Variants in RTL4 observed in about 807,000 individuals in gnomAD.
The protein encoded by RTL4 is retrotransposon Gag like 4, also known as retrotransposon Gag-like protein 4.
RTL4 carries 4 observed loss-of-function variants against 5.3 expected under a neutral mutation model. The observed-to-expected ratio is 0.75, with a 90% CI of 0.37 to 1.72. RTL4 has a LOEUF of 1.72. Among genes scored for constraint, RTL4 ranks in the 40% most tolerant of loss-of-function variants. The pLI is 0.04. For missense variants in RTL4, 260 were observed against 227.1 expected (o/e 1.14, Z -0.93); for synonymous variants, 98 against 87.3 (o/e 1.12, Z -0.68).
chrX:112,264,234 G>A, the RTL4 span, among the ~76,000 whole-genome samples: 1 of 112,233 alleles, frequency 8.9e-6, no homozygotes, highest in Non-Finnish European at 1.9e-5. Context: ...TTGGAAATTA[G>A]GCTAGTGTGT....
the RTL4 span, among the ~76,000 whole-genome samples, chrX:112,384,426 G>T: frequency 9.0e-6 from 1 of 111,660 alleles, no homozygotes; most frequent in Non-Finnish European, 1.9e-5. Context: ...TTCTGCATAT[G>T]GCTAGCTAGT....
At chrX:112,423,392 T>C in the RTL4 span, among the ~76,000 whole-genome samples, 1 of 109,446 alleles carries the variant, frequency 9.1e-6, no homozygotes, top group Non-Finnish European at 1.9e-5. Context: ...CCCGCCCAAG[T>C]GCCCTGGTTA....
At chrX:112,143,305 A>G in the RTL4 span, among the ~76,000 whole-genome samples, 1 of 108,026 alleles carries the variant, frequency 9.3e-6, no homozygotes, top group Admixed American at 9.6e-5. Context: ...TCTCAGATGA[A>G]CTTAGGCATT....
the RTL4 span, among the ~76,000 whole-genome samples, chrX:112,158,097 T>C: frequency 9.1e-6 from 1 of 110,030 alleles, no homozygotes; most frequent in Non-Finnish European, 1.9e-5. Flanking sequence ...CCTAGGTGGC[T>C]GTGTAGAAAG....
chrX:112,177,366 A>T, the RTL4 span, among the ~76,000 whole-genome samples: 2 of 111,098 alleles, frequency 1.8e-5, no homozygotes, highest in Non-Finnish European at 3.8e-5. Flanking sequence ...GATAATAGCC[A>T]TTCAGACTGG....
the RTL4 span, among the ~76,000 whole-genome samples, chrX:112,434,130 T>G: frequency 9.5e-6 from 1 of 104,904 alleles, no homozygotes; most frequent in African/African-American, 3.5e-5. Context: ...CTGGATTCAG[T>G]TTGCCAGTAT....
the RTL4 span, among the ~76,000 whole-genome samples, chrX:112,094,998 G>C: frequency 1.5e-3 from 168 of 111,289 alleles, 1 homozygote; most frequent in African/African-American, 5.2e-3. Flanking sequence ...TTGTTTTTAA[G>C]ATGAGAAAAC....
At chrX:112,385,196 A>G in the RTL4 span, among the ~76,000 whole-genome samples, 11 of 111,325 alleles carry the variant, frequency 9.9e-5, no homozygotes, top group Admixed American at 9.6e-4. Flanking sequence ...CAAATATTTT[A>G]AATTTTGATG....
chrX:112,382,992 T>C, the RTL4 span, among the ~76,000 whole-genome samples: 15 of 111,986 alleles, frequency 1.3e-4, no homozygotes, highest in East Asian at 3.9e-3. Context: ...AAAGTTGAAA[T>C]ATTTGGACAA....
chrX:112,112,988 G>A, the RTL4 span, among the ~76,000 whole-genome samples: 34 of 111,731 alleles, frequency 3.0e-4, no homozygotes, highest in South Asian at 1.1e-3. Flanking sequence ...CCTCATTGAT[G>A]AGTCTAAGAT....
chrX:112,388,192 C>A, the RTL4 span, among the ~76,000 whole-genome samples: 2 of 111,868 alleles, frequency 1.8e-5, no homozygotes, highest in African/African-American at 6.5e-5. Flanking sequence ...AACAGGATTG[C>A]CTTCCAGATT....
the RTL4 span, among the ~76,000 whole-genome samples, chrX:112,417,166 G>A: frequency 1.8e-5 from 2 of 111,456 alleles, no homozygotes; most frequent in African/African-American, 3.3e-5. Flanking sequence ...AGGTGCAGTC[G>A]CTCTTGAAAG....
exon 1 of RTL4, chrX:112,455,339 A>G: frequency 8.3e-7 from 1 of 1,211,620 alleles, no homozygotes. Context: ...ATGATGGACA[A>G]TCTTCCAGAC....
At chrX:112,265,078 A>G in the RTL4 span, among the ~76,000 whole-genome samples, 2 of 112,398 alleles carry the variant, frequency 1.8e-5, no homozygotes, top group African/African-American at 3.2e-5. Flanking sequence ...ATGAGCTCAC[A>G]GACAGCAGCA....
the RTL4 span, among the ~76,000 whole-genome samples, chrX:112,285,275 C>A: frequency 9.0e-6 from 1 of 111,658 alleles, no homozygotes; most frequent in African/African-American, 3.2e-5. Context: ...CAGGGATAAT[C>A]CAGTGGTTAC....
the RTL4 span, among the ~76,000 whole-genome samples, chrX:112,397,810 A>G: frequency 1.8e-5 from 2 of 111,978 alleles, no homozygotes; most frequent in Non-Finnish European, 1.9e-5. Context: ...GCTTATATAT[A>G]GAAATACACT....
At chrX:112,123,928 G>C in the RTL4 span, among the ~76,000 whole-genome samples, 14 of 111,137 alleles carry the variant, frequency 1.3e-4, no homozygotes, top group Non-Finnish European at 5.7e-5. Flanking sequence ...AAATTTTCAA[G>C]TCTACCCATC....
At chrX:112,247,026 CACAAT>C in the RTL4 span, among the ~76,000 whole-genome samples, 1 of 111,476 alleles carries the variant, frequency 9.0e-6, no homozygotes, top group Non-Finnish European at 1.9e-5. Flanking sequence ...CAAAAAACTG[CACAAT>C]ACATTATAAA....
At chrX:112,388,730 G>A in the RTL4 span, among the ~76,000 whole-genome samples, 2 of 112,237 alleles carry the variant, frequency 1.8e-5, no homozygotes, top group Non-Finnish European at 3.8e-5. Context: ...AGTTATGTAG[G>A]TTGAACCAAC....
Sources: allele counts gnomAD v4.1 joint callset (sites outside exome capture counted in the v4.1 genomes callset), GRCh38; gene constraint gnomAD v4.1.1; transcripts MANE v1.5; gene names NCBI Gene and HGNC (gene_info 2026-07-23, HGNC 2026-07-21).